Variants in INPP5A observed in about 807,000 individuals in gnomAD.
The protein encoded by INPP5A is 43 kDa inositol polyphosphate 5-phophatase.
INPP5A carries 14 observed loss-of-function variants against 65.2 expected under a neutral mutation model. That is an observed-to-expected ratio of 0.21 (90% CI 0.14 to 0.34). The LOEUF (loss-of-function observed/expected upper bound fraction) is 0.34, where lower values mean the gene tolerates loss of function less well. Among genes scored for constraint, INPP5A ranks in the 10% least tolerant of loss-of-function variants. INPP5A has a pLI of 1.00. For missense variants in INPP5A, 431 were observed against 545.6 expected (o/e 0.79, Z 2.09); for synonymous variants, 207 against 208.3 (o/e 0.99, Z 0.05).
intron 8 of INPP5A, among the ~76,000 whole-genome samples, chr10:132,720,174 C>T (rs1342496837): frequency 1.3e-5 from 2 of 149,718 alleles, no homozygotes; most frequent in African/African-American, 5.0e-5. Context: ...TGGGTTCTGT[C>T]TGGGCACCTT....
At position 132,678,669 on chromosome 10, in the gene INPP5A, A is replaced by G. The variant is rs2073003365; in HGVS notation, c.307-11723A>G. Among the ~76,000 whole-genome samples, 1 of 152,184 alleles carries G rather than the reference A, an allele frequency of 6.6e-6. No homozygotes were observed. The highest frequency in any genetic ancestry group is 6.5e-5 in the Admixed American group (1 of 15,282). On this transcript the variant is annotated intron_variant, in intron 4 of 15. Coordinates refer to ENST00000368594, the MANE Select transcript of INPP5A (RefSeq NM_005539.5). The surrounding 1 kb of genome is among the most constrained non-coding windows in gnomAD (Gnocchi z 4.1). ...ACCTGGGCATTGTGGTGGAGGACTC[A>G]GAGGCGCCCAGGCCACATGCCTGCC...
intron 9 of INPP5A, among the ~76,000 whole-genome samples, chr10:132,728,318 G>A (rs1003122008): frequency 2.0e-5 from 3 of 152,208 alleles, no homozygotes; most frequent in East Asian, 1.9e-4. Flanking sequence ...CTTTCTCCTC[G>A]TAGAGGCTGT....
intron 11 of INPP5A, 50 bp from the exon 12 acceptor site, chr10:132,765,723 C>A: frequency 8.9e-7 from 1 of 1,120,584 alleles, no homozygotes; most frequent in Non-Finnish European, 1.4e-6. Flanking sequence ...CACGTGCCCC[C>A]AGCGAGGAAA....
At chr10:132,749,352 G>A (rs887524340) in intron 9 of INPP5A, among the ~76,000 whole-genome samples, 165 bp from the exon 10 acceptor site, 8 of 151,928 alleles carry the variant, frequency 5.3e-5, no homozygotes, top group East Asian at 1.9e-4. Flanking sequence ...TGTGAGGGTC[G>A]GCTGTTGCGG....
At position 132,555,330 on chromosome 10, in the gene INPP5A, C is replaced by G. The variant is rs999428890; in HGVS notation, c.75+17159C>G. Among the ~76,000 whole-genome samples the G allele has an allele frequency of 5.9e-5, 9 of 152,184 alleles. No homozygotes were observed. The highest frequency in any genetic ancestry group is 8.8e-5 in the Non-Finnish European group (6 of 68,004). On this transcript the variant is annotated intron_variant, in intron 1 of 15. Transcript: ENST00000368594. The surrounding 1 kb of genome is among the most constrained non-coding windows in gnomAD (Gnocchi z 4.4). ...GATGTCGTAGGAGAGGCTGTTGTCC[C>G]CTGAGTACGTTCACCCCATTTTACA...
At chr10:132,695,798 A>G (rs184256037) in intron 5 of INPP5A, among the ~76,000 whole-genome samples, 1 of 152,374 alleles carries the variant, frequency 6.6e-6, no homozygotes, top group East Asian at 1.9e-4. Context: ...ACAAATTAAT[A>G]CAAGATCTCT....
chr10:132,630,972 T>G (rs2072264583), intron 2 of INPP5A, among the ~76,000 whole-genome samples: 1 of 152,108 alleles, frequency 6.6e-6, no homozygotes, highest in Admixed American at 6.5e-5. Flanking sequence ...TTGCCCTATC[T>G]CTGGGGGGAA....
At chr10:132,583,627 G>A (rs1194144896) in intron 1 of INPP5A, among the ~76,000 whole-genome samples, 1 of 152,144 alleles carries the variant, frequency 6.6e-6, no homozygotes, top group Non-Finnish European at 1.5e-5. Flanking sequence ...TTTCGCCGTC[G>A]AGGAATGTCG....
chr10:132,607,825 C>T, intron 1 of INPP5A, 90 bp from the exon 2 acceptor site: 2 of 1,291,268 alleles, frequency 1.5e-6, no homozygotes, highest in East Asian at 2.3e-5. Context: ...CTGCTCCTGC[C>T]CCACGTTGTC....
Position 132,720,590 on chromosome 10 carries a change from A to G in INPP5A, c.648-6231A>G, listed in dbSNP as rs375249016. On this transcript the variant is annotated intron_variant, in intron 8 of 15. Coordinates refer to ENST00000368594, the MANE Select transcript of INPP5A (RefSeq NM_005539.5). ...TGTGGTACCTCGGTTCTGTCTGGGC[A>G]CCTTAGACGGCTGTCTTCAGGGTTC... is the stretch of plus-strand genomic sequence containing the variant. 2.9e-3 allele frequency among the ~76,000 whole-genome samples: 331 copies of G among 115,724 alleles called. 2 individuals are homozygous for G. The highest frequency in any genetic ancestry group is 9.3e-3 in the African/African-American group (273 of 29,398). 75.9% of individuals were successfully genotyped at this position (115,724 alleles called of 152,430 possible).
At chr10:132,636,163 A>ATGTGTGTGTGTGTGTGTG (rs59663030) in intron 2 of INPP5A, among the ~76,000 whole-genome samples, 6 of 149,614 alleles carry the variant, frequency 4.0e-5, no homozygotes, top group Non-Finnish European at 5.9e-5. Context: ...GATAAACAAA[A>ATGTGTGTGTGTGTGTGTG]TGTGTGTGTG....
At chr10:132,634,094 C>T (rs2072307216) in intron 2 of INPP5A, among the ~76,000 whole-genome samples, 1 of 152,256 alleles carries the variant, frequency 6.6e-6, no homozygotes, top group African/African-American at 2.4e-5. Flanking sequence ...CCAACCTATT[C>T]AATATCCAGT....
intron 1 of INPP5A, among the ~76,000 whole-genome samples, chr10:132,596,871 G>C (rs2071699607): frequency 1.4e-5 from 2 of 145,912 alleles, no homozygotes; most frequent in African/African-American, 2.5e-5. Flanking sequence ...GTGTGTGCAT[G>C]TGTGTGCATG....
chr10:132,546,904 T>C lies in INPP5A; in HGVS notation c.75+8733T>C, dbSNP rs181661325. On this transcript the variant is annotated intron_variant, in intron 1 of 15. Transcript: ENST00000368594. This position sits in a 1 kb window ranked among gnomAD's most constrained non-coding sequence, Gnocchi z 5.7. Reference sequence around the variant, plus strand: ...GCACTCTGGCAGGGGCAGACTCTGTTTCCTGCTCAGCAGAGCCCAGGCCTG... The same window carrying C: ...GCACTCTGGCAGGGGCAGACTCTGTCTCCTGCTCAGCAGAGCCCAGGCCTG... 1.2e-4 allele frequency among the ~76,000 whole-genome samples: 19 copies of C among 152,298 alleles called. No individual in the cohort carries two copies. The East Asian group carries it at 3.7e-3, about 29-fold the overall frequency.
Position 132,570,633 on chromosome 10 carries a change from G to A in INPP5A, c.75+32462G>A, listed in dbSNP as rs565628582. On this transcript the variant is annotated intron_variant, in intron 1 of 15. Coordinates refer to ENST00000368594, the MANE Select transcript of INPP5A (RefSeq NM_005539.5). ...TGTGGGTGTTTGCTTTGAATATTTCGTTTTCAGCTCTTGTGTTTCTAAGTA... is the reference window on the plus strand; with the variant it reads ...TGTGGGTGTTTGCTTTGAATATTTCATTTTCAGCTCTTGTGTTTCTAAGTA... 1.5e-4 allele frequency among the ~76,000 whole-genome samples: 23 copies of A among 152,070 alleles called. No homozygotes were observed. In the South Asian group the frequency reaches 4.0e-3, roughly 26 times the overall value.
rs375735248 is a variant in INPP5A, at chr10:132,546,031, G to A, written c.75+7860G>A. The stretch of plus-strand genomic sequence containing the variant: ...CGTCCACCAGGTCCTGCTTGTGTAC[G>A]GGGGCCGGCAGCACCGTTGTGTTGG... On this transcript the variant is annotated intron_variant, in intron 1 of 15. Coordinates refer to ENST00000368594, the MANE Select transcript of INPP5A (RefSeq NM_005539.5). The surrounding 1 kb of genome is among the most constrained non-coding windows in gnomAD (Gnocchi z 5.7). Among the ~76,000 whole-genome samples, 1 of 152,208 alleles carries A rather than the reference G, an allele frequency of 6.6e-6. No individual in the cohort carries two copies. The highest frequency in any genetic ancestry group is 6.5e-5 in the Admixed American group (1 of 15,278).
intron 1 of INPP5A, among the ~76,000 whole-genome samples, chr10:132,578,615 G>GCGGGGGC (rs1590843403): frequency 1.1e-4 from 10 of 87,490 alleles, no homozygotes; most frequent in South Asian, 4.1e-4. Context: ...AGGAGAGTGT[G>GCGGGGGC]TGGGGCGTCT....
At position 132,538,284 on chromosome 10, in the gene INPP5A, C is replaced by G. The variant is rs2070866927; in HGVS notation, c.75+113C>G. On this transcript the variant is annotated intron_variant, in intron 1 of 15. Transcript: ENST00000368594. The surrounding 1 kb of genome is among the most constrained non-coding windows in gnomAD (Gnocchi z 4.1). Reference sequence around the variant, plus strand: ...ACCGTGAACCTCCAGACCCAGAGGCCCCAGACTCTGATCCCTGTACCCGGG... The same window carrying G: ...ACCGTGAACCTCCAGACCCAGAGGCGCCAGACTCTGATCCCTGTACCCGGG... 3 of 464,540 alleles carry G rather than the reference C, an allele frequency of 6.5e-6. No homozygotes were observed. The highest frequency in any genetic ancestry group is 9.5e-6 in the Non-Finnish European group (3 of 315,196). The allele number at this position is 464,540 out of a possible 1,614,324, so 28.8% of individuals were successfully genotyped here.
intron 1 of INPP5A, among the ~76,000 whole-genome samples, chr10:132,596,460 G>C (rs1443465448): frequency 6.7e-6 from 1 of 149,360 alleles, no homozygotes; most frequent in East Asian, 2.0e-4. Context: ...ATGGAGTCTC[G>C]CACTGTCACC....
Sources: allele counts gnomAD v4.1 joint callset (sites outside exome capture counted in the v4.1 genomes callset), GRCh38; gene constraint gnomAD v4.1.1; non-coding constraint Gnocchi (gnomAD v3.1); transcripts MANE v1.5; gene names NCBI Gene and HGNC (gene_info 2026-07-23, HGNC 2026-07-21).